The following MEGF11 variants were observed in gnomAD, a reference collection of about 807,000 sequenced individuals.
MEGF11 encodes multiple EGF like domains 11.
In MEGF11, 126 loss-of-function variants were observed where a neutral mutation model predicts 146.6. The ratio of observed to expected loss-of-function variants is 0.86; its 90% CI spans 0.74 to 1.00. The LOEUF (loss-of-function observed/expected upper bound fraction) is 1.00. Among genes scored for constraint, MEGF11 ranks in the 50% least tolerant of loss-of-function variants. The probability of loss-of-function intolerance (pLI) is 0.00; values close to 1 mark genes in which losing one functional copy is unlikely to be tolerated. For synonymous variants in MEGF11, 532 were observed against 583.4 expected, an observed-to-expected ratio of 0.91 and a Z score of 1.27; for missense variants, 1,509 against 1,521.2, an observed-to-expected ratio of 0.99 and a Z score of 0.13.
intron 5 of MEGF11, among the ~76,000 whole-genome samples, chr15:66,070,214 G>A (rs2085308246): frequency 6.6e-6 from 1 of 152,210 alleles, no homozygotes; most frequent in Admixed American, 6.5e-5. Flanking sequence ...TTTAATCTTC[G>A]GAGATGTCGG....
chr15:66,114,956 C>G (rs1366085893), intron 4 of MEGF11, among the ~76,000 whole-genome samples: 1 of 152,198 alleles, frequency 6.6e-6, no homozygotes, highest in Non-Finnish European at 1.5e-5. Flanking sequence ...TTCCTCCTTC[C>G]ACACACAGGG....
At chr15:66,196,242 C>T (rs920295750) in intron 1 of MEGF11, among the ~76,000 whole-genome samples, 1 of 151,994 alleles carries the variant, frequency 6.6e-6, no homozygotes, top group African/African-American at 2.4e-5. Context: ...GAGGCTGAGG[C>T]GAGTGAATCA....
intron 1 of MEGF11, among the ~76,000 whole-genome samples, chr15:66,244,630 T>C (rs2140249527): frequency 6.6e-6 from 1 of 152,274 alleles, no homozygotes; most frequent in East Asian, 1.9e-4. Context: ...GCTTTCCTCA[T>C]CTGCAGGATA....
intron 12 of MEGF11, among the ~76,000 whole-genome samples, chr15:65,929,370 C>T (rs927565510): frequency 6.6e-6 from 1 of 152,204 alleles, no homozygotes; most frequent in Admixed American, 6.5e-5. Flanking sequence ...CGAATGGCAA[C>T]TCTCATGGAT....
intron 1 of MEGF11, among the ~76,000 whole-genome samples, chr15:66,208,229 G>GATAT (rs2091352369): frequency 6.6e-6 from 1 of 152,096 alleles, no homozygotes; most frequent in Non-Finnish European, 1.5e-5. Context: ...AGTCTAAAGG[G>GATAT]ATATAAAGAG....
chr15:65,934,344 C>T (rs761334273), intron 10 of MEGF11, among the ~76,000 whole-genome samples: 18 of 152,172 alleles, frequency 1.2e-4, no homozygotes, highest in African/African-American at 3.1e-4. Flanking sequence ...CTCCACCTCC[C>T]GGGTTCAAGC....
chr15:66,118,511 C>T (rs2087846381), intron 4 of MEGF11, among the ~76,000 whole-genome samples: 1 of 152,054 alleles, frequency 6.6e-6, no homozygotes, highest in Non-Finnish European at 1.5e-5. Context: ...TTTCATGCAC[C>T]CACCTCTTCT....
chr15:65,898,433 T>A, intron 25 of MEGF11: 1 of 985,412 alleles, frequency 1.0e-6, no homozygotes, highest in Non-Finnish European at 1.2e-6. Flanking sequence ...GAGATTTGTA[T>A]CAACAATCTG....
In MEGF11 at chr15:66,178,784, G is replaced by C. The variant is rs2090460552; in HGVS notation, c.-8-50373C>G. Among the ~76,000 whole-genome samples, 3 of 152,162 alleles carry C rather than the reference G, an allele frequency of 2.0e-5. No individual in the cohort carries two copies. In the South Asian group the frequency reaches 6.2e-4, roughly 32 times the overall value. Reference sequence around the variant, plus strand: ...GCCTGTCTGAAAGTCAGAAGCAAAAGAGAGAGAAGGAGAGTGGGGGTGGGG... The same window carrying C: ...GCCTGTCTGAAAGTCAGAAGCAAAACAGAGAGAAGGAGAGTGGGGGTGGGG... On this transcript the variant is annotated intron_variant, in intron 1 of 25. Transcript: ENST00000395614.
At chr15:66,078,347 A>G (rs1263951404) in intron 5 of MEGF11, among the ~76,000 whole-genome samples, 1 of 152,164 alleles carries the variant, frequency 6.6e-6, no homozygotes, top group Non-Finnish European at 1.5e-5. Flanking sequence ...TGGCGGAAAC[A>G]CGCCTGAGTG....
At chr15:66,218,849 T>C (rs1291991977) in intron 1 of MEGF11, among the ~76,000 whole-genome samples, 1 of 151,886 alleles carries the variant, frequency 6.6e-6, no homozygotes, top group Non-Finnish European at 1.5e-5. Context: ...CTTCCCTGGG[T>C]TTCAGCTTCC....
At chr15:65,910,167 C>G (rs1450592601) in intron 21 of MEGF11, among the ~76,000 whole-genome samples, 1 of 152,086 alleles carries the variant, frequency 6.6e-6, no homozygotes, top group Non-Finnish European at 1.5e-5. Flanking sequence ...GAGGCCATCT[C>G]CAGCACAGAG....
intron 1 of MEGF11, among the ~76,000 whole-genome samples, chr15:66,136,021 C>T (rs1243194490): frequency 6.6e-6 from 1 of 152,180 alleles, no homozygotes; most frequent in Admixed American, 6.5e-5. Context: ...TCCCTCTTCA[C>T]CCTTGCACTT....
chr15:66,052,975 T>G (rs999034482), intron 5 of MEGF11, among the ~76,000 whole-genome samples: 2 of 152,146 alleles, frequency 1.3e-5, no homozygotes, highest in African/African-American at 4.8e-5. Context: ...ATGACCCAGT[T>G]TATAATGACT....
chr15:66,137,394 A>G (rs1476337551), intron 1 of MEGF11, among the ~76,000 whole-genome samples: 5 of 152,232 alleles, frequency 3.3e-5, no homozygotes, highest in African/African-American at 9.7e-5. Context: ...AACGCAGGTT[A>G]CAAAGCAGCA....
At chr15:66,044,799 G>A (rs1017048357) in intron 5 of MEGF11, among the ~76,000 whole-genome samples, 5 of 146,350 alleles carry the variant, frequency 3.4e-5, no homozygotes, top group Middle Eastern at 3.3e-3. Context: ...GCTGCAGTGA[G>A]CTATGATCAC....
intron 5 of MEGF11, among the ~76,000 whole-genome samples, chr15:66,056,747 G>A (rs1251383974): frequency 6.6e-6 from 1 of 152,206 alleles, no homozygotes; most frequent in Non-Finnish European, 1.5e-5. Flanking sequence ...CTCAAGACTT[G>A]ACTCAGCCAG....
At chr15:65,944,368 G>A (rs1354180154) in intron 10 of MEGF11, among the ~76,000 whole-genome samples, 1 of 152,222 alleles carries the variant, frequency 6.6e-6, no homozygotes, top group African/African-American at 2.4e-5. Flanking sequence ...GCACCAGCAG[G>A]ATGTGGCTGA....
chr15:65,950,586 C>CACACAG (rs1453565180), intron 10 of MEGF11, among the ~76,000 whole-genome samples: 2 of 368 alleles, frequency 5.4e-3, no homozygotes, highest in Admixed American at 0.018. Context: ...GACACACAGA[C>CACACAG]ACACACACAC....
Sources: gnomAD v4.1 joint callset for allele counts (sites outside exome capture counted in the v4.1 genomes callset) on GRCh38, gnomAD v4.1.1 for gene constraint, MANE v1.5 for transcripts, NCBI Gene and HGNC (gene_info 2026-07-23, HGNC 2026-07-21) for gene names.